The following ADGRL2 variants were observed in gnomAD, a reference collection of about 807,000 sequenced individuals.
ADGRL2 encodes the protein calcium-independent alpha-latrotoxin receptor 2.
A neutral mutation model predicts 157.4 loss-of-function variants in ADGRL2; 44 were observed. The ratio of observed to expected loss-of-function variants is 0.28; its 90% CI spans 0.22 to 0.36. ADGRL2 has a LOEUF of 0.36. ADGRL2 is among the 10% of genes least tolerant of loss of function. ADGRL2 has a pLI of 1.00. For synonymous variants in ADGRL2, 585 were observed against 624.7 expected (o/e 0.94, Z 0.95); for missense variants, 1,510 against 1,768.9 (o/e 0.85, Z 2.63).
chr1:81,930,964 T>A (rs969315905), intron 3 of ADGRL2, among the ~76,000 whole-genome samples: 1 of 152,010 alleles, frequency 6.6e-6, no homozygotes, highest in Non-Finnish European at 1.5e-5. Flanking sequence ...AGACCTCGTC[T>A]CTACTGGAAA....
intron 1 of ADGRL2, among the ~76,000 whole-genome samples, chr1:81,402,176 C>T (rs2076768727): frequency 6.6e-6 from 1 of 152,150 alleles, no homozygotes; most frequent in Non-Finnish European, 1.5e-5. Flanking sequence ...CACTATCTCC[C>T]TATACTGTGG....
At position 81,968,124 on chromosome 1, in the gene ADGRL2, T is replaced by C. The variant is rs1365273972; in HGVS notation, c.2448T>C (p.Thr816=). 2.5e-6 allele frequency: 4 copies of C among 1,612,828 alleles called. No homozygotes were observed. The highest frequency in any genetic ancestry group is 3.4e-5 in the Admixed American group (2 of 59,698). Residue 816 remains threonine, a synonymous_variant, in exon 14 of 24, where the codon ACT becomes ACC. Transcript: ENST00000686636. ...WSTQGCKLVD[T]NKTRTTCACS... ...CCCAGGGCTGCAAGCTGGTTGACAC[T>C]AATAAAACTCGAACAACGTGTGCAT...
intron 2 of ADGRL2, chr1:81,502,648 C>T: frequency 6.2e-7 from 1 of 1,613,996 alleles, no homozygotes; most frequent in Non-Finnish European, 8.5e-7. Context: ...GCGCTGCCTT[C>T]ACCCTCAGCT....
At chr1:81,789,910 A>G (rs993354391) in intron 2 of ADGRL2, among the ~76,000 whole-genome samples, 2 of 152,142 alleles carry the variant, frequency 1.3e-5, no homozygotes, top group African/African-American at 4.8e-5. Flanking sequence ...GTAGTGTTCC[A>G]GGCTTTGACA....
intron 3 of ADGRL2, among the ~76,000 whole-genome samples, chr1:81,601,557 A>T (rs971037706): frequency 6.6e-6 from 1 of 152,212 alleles, no homozygotes; most frequent in African/African-American, 2.4e-5. Context: ...GTGGAAAGAT[A>T]GCCTGACTCA....
At chr1:81,693,867 C>A (rs971106774) in intron 3 of ADGRL2, among the ~76,000 whole-genome samples, 2 of 152,106 alleles carry the variant, frequency 1.3e-5, no homozygotes, top group Non-Finnish European at 2.9e-5. Flanking sequence ...GTTATTGATT[C>A]ATCCCACAAA....
At chr1:81,924,330 T>G (rs1200324691) in intron 3 of ADGRL2, among the ~76,000 whole-genome samples, 1 of 152,180 alleles carries the variant, frequency 6.6e-6, no homozygotes, top group African/African-American at 2.4e-5. Flanking sequence ...AAGGAAGAGA[T>G]AGTTCAAGAA....
chr1:81,827,388 C>T (rs1259018665), intron 1 of ADGRL2, among the ~76,000 whole-genome samples: 1 of 152,082 alleles, frequency 6.6e-6, no homozygotes, highest in African/African-American at 2.4e-5. Flanking sequence ...GGGGTCTTGT[C>T]CAAACCTCAT....
chr1:81,596,126 T>C, intron 3 of ADGRL2: 1 of 403,992 alleles, frequency 2.5e-6, no homozygotes. Context: ...TAACAACTGG[T>C]AATCAATTTA....
chr1:81,347,429 A>G (rs995822476), intron 1 of ADGRL2, among the ~76,000 whole-genome samples: 1 of 152,036 alleles, frequency 6.6e-6, no homozygotes, highest in African/African-American at 2.4e-5. Flanking sequence ...GAGGTCTTAG[A>G]TAGAAATGAG....
intron 11 of ADGRL2, among the ~76,000 whole-genome samples, chr1:81,960,706 C>G (rs1655067834): frequency 6.6e-6 from 1 of 152,048 alleles, no homozygotes; most frequent in African/African-American, 2.4e-5. Flanking sequence ...AATTCCTGAT[C>G]AGGTGATCCA....
intron 3 of ADGRL2, among the ~76,000 whole-genome samples, chr1:81,654,150 T>G (rs7537444): frequency 0.45 from 68,304 of 151,962 alleles, 16,075 homozygotes; most frequent in East Asian, 0.68. Flanking sequence ...TTCACCACGT[T>G]GGCCAGGCTG....
At chr1:81,575,638 A>T (rs2080783443) in intron 2 of ADGRL2, among the ~76,000 whole-genome samples, 1 of 152,182 alleles carries the variant, frequency 6.6e-6, no homozygotes, top group Admixed American at 6.6e-5. Context: ...GTAAATTCAG[A>T]GAATAGAAAA....
intron 2 of ADGRL2, among the ~76,000 whole-genome samples, chr1:81,889,417 A>G (rs892553368): frequency 6.6e-6 from 1 of 152,194 alleles, no homozygotes; most frequent in Non-Finnish European, 1.5e-5. Flanking sequence ...CAGTCTCAAG[A>G]TTCTCTTAAG....
intron 3 of ADGRL2, among the ~76,000 whole-genome samples, chr1:81,925,446 A>G (rs2095081489): frequency 6.6e-6 from 1 of 151,864 alleles, no homozygotes; most frequent in Non-Finnish European, 1.5e-5. Context: ...AGAAATGTTT[A>G]TTTGACTGAA....
intron 3 of ADGRL2, among the ~76,000 whole-genome samples, chr1:81,642,306 G>A (rs1320169152): frequency 6.7e-6 from 1 of 148,560 alleles, no homozygotes; most frequent in African/African-American, 2.5e-5. Context: ...TGTAGTCCTA[G>A]CTGCTTGGGA....
At chr1:81,593,466 A>G (rs770549604) in intron 3 of ADGRL2, among the ~76,000 whole-genome samples, 23 of 152,264 alleles carry the variant, frequency 1.5e-4, no homozygotes, top group Non-Finnish European at 2.9e-4. Flanking sequence ...AAATGAACTA[A>G]TATGTGAAGT....
At chr1:81,332,971 AG>A (rs1363632561) in intron 1 of ADGRL2, among the ~76,000 whole-genome samples, 4 of 152,326 alleles carry the variant, frequency 2.6e-5, no homozygotes, top group Middle Eastern at 6.8e-3. Context: ...TTTATACACT[AG>A]GAAGTTCAGC....
At position 81,836,302 on chromosome 1, in the gene ADGRL2, A is replaced by G. The variant is rs563232463; in HGVS notation, c.-100-583A>G. Among the ~76,000 whole-genome samples, 5 of 152,230 alleles carry G rather than the reference A, an allele frequency of 3.3e-5. No individual in the cohort carries two copies. In the South Asian group the frequency reaches 1.0e-3, roughly 32 times the overall value. On this transcript the variant is annotated intron_variant, in intron 1 of 23. Coordinates refer to ENST00000686636, the MANE Select transcript of ADGRL2 (RefSeq NM_001366006.2). ...TGAAGAAACTGTAAGATGTTCCTTT[A>G]ACAGAAAAGTTTGTGATTTCCTTTC...
Sources: allele counts gnomAD v4.1 joint callset (sites outside exome capture counted in the v4.1 genomes callset), GRCh38; gene constraint gnomAD v4.1.1; transcripts MANE v1.5; gene names NCBI Gene and HGNC (gene_info 2026-07-23, HGNC 2026-07-21).